IDO2: variants seen among roughly 807,000 people sequenced by gnomAD.
IDO2 encodes indoleamine 2,3-dioxygenase 2.
IDO2 carries 46 observed loss-of-function variants against 45.1 expected under a neutral mutation model. That is an observed-to-expected ratio of 1.02 (90% CI 0.80 to 1.30). The LOEUF is 1.30. IDO2 is among the 50% of genes most tolerant of loss of function. The probability of loss-of-function intolerance (pLI) is 0.00; values close to 1 mark genes in which losing one functional copy is unlikely to be tolerated. For synonymous variants in IDO2, 218 were observed against 184.9 expected (o/e 1.18, Z -1.45); for missense variants, 544 against 491.8 (o/e 1.11, Z -1.00).
At chr8:39,987,625 C>T in intron 6 of IDO2, 1 of 449,714 alleles carries the variant, frequency 2.2e-6, no homozygotes, top group Non-Finnish European at 4.0e-6. Flanking sequence ...GGTCCAGGAC[C>T]ATTAGGGCCA....
intron 8 of IDO2, chr8:39,995,280 T>TTCTTCTTCTTCTTCTTCTTCTTCC (rs1802023577): frequency 7.3e-6 from 1 of 137,164 alleles, no homozygotes; most frequent in Non-Finnish European, 1.5e-5. Context: ...CTTCTTCTTC[T>TTCTTCTTCTTCTTCTTCTTCTTCC]TCTTCTTCTT....
At chr8:39,992,965 C>A (rs16888495) in intron 8 of IDO2, among the ~76,000 whole-genome samples, 7 of 152,196 alleles carry the variant, frequency 4.6e-5, no homozygotes, top group Non-Finnish European at 7.4e-5. Flanking sequence ...TTTTGTAAAG[C>A]GCTCACTTCT....
chr8:40,004,689 G>A (rs79887769), intron 8 of IDO2, among the ~76,000 whole-genome samples: 3 of 45,434 alleles, frequency 6.6e-5, no homozygotes, highest in Non-Finnish European at 1.8e-4. Context: ...AACAACCTTC[G>A]AAAAGAAATT....
intron 8 of IDO2, among the ~76,000 whole-genome samples, chr8:40,000,528 C>T (rs1802119829): frequency 6.6e-6 from 1 of 152,150 alleles, no homozygotes; most frequent in South Asian, 2.1e-4. Flanking sequence ...TGCAATTTCC[C>T]TATTTCACTA....
chr8:39,979,115 C>T, exon 4 of IDO2: 1 of 1,602,382 alleles, frequency 6.2e-7, no homozygotes, highest in Non-Finnish European at 8.5e-7. Context: ...GGAGCAGCGC[C>T]TGGCCCACCT....
intron 9 of IDO2, among the ~76,000 whole-genome samples, chr8:40,012,063 G>A (rs2129595585): frequency 6.6e-6 from 1 of 152,200 alleles, no homozygotes; most frequent in Admixed American, 6.5e-5. Flanking sequence ...AAACAACCTG[G>A]CTCCTTACAG....
intron 1 of IDO2, 68 bp downstream of exon 1, chr8:39,935,286 G>A: frequency 2.3e-6 from 3 of 1,301,152 alleles, no homozygotes; most frequent in East Asian, 4.6e-5. Flanking sequence ...TGACAATTTG[G>A]GGCTAGCAAC....
chr8:39,946,499 C>T lies in IDO2; in HGVS notation c.-17-2650C>T, dbSNP rs953767611. ...GCACGCACCTGTAGTCCCAGCTACT[C>T]GGGAGGCTGAGGCAGGAGAATCACT... On this transcript the variant is annotated intron_variant, in intron 1 of 10. Coordinates refer to ENST00000502986, the Ensembl canonical transcript of IDO2. Among the ~76,000 whole-genome samples, 122 of 152,188 alleles carry T rather than the reference C, an allele frequency of 8.0e-4. 1 individual carries two copies. Among genetic ancestry groups the T allele is most frequent in the African/African-American group, 2.7e-3 (111 of 41,526 alleles).
At chr8:39,966,547 T>C (rs540946607) in intron 3 of IDO2, among the ~76,000 whole-genome samples, 1 of 152,322 alleles carries the variant, frequency 6.6e-6, no homozygotes, top group Admixed American at 6.5e-5. Context: ...CTCTGGATCC[T>C]TTACTTGCTA....
rs572852317 is a variant in IDO2 at position 39,987,116 on chromosome 8, C to T, written c.450-755C>T. 2.0e-5 allele frequency: 3 copies of T among 152,330 alleles called. No homozygotes were observed. In the East Asian group the frequency reaches 5.8e-4, roughly 29 times the overall value. The allele number at this position is 152,330 out of a possible 1,614,324, so 9.4% of individuals were successfully genotyped here. A position where few individuals can be genotyped will look rare whatever the true frequency, so the allele number is the denominator to read the frequency against. ...CTGCCTACCTCGCTCTCCCAAAGTG[C>T]TGGAATTACAGGCGTGAGCCACTGT... is the stretch of plus-strand genomic sequence containing the variant. On this transcript the variant is annotated intron_variant, in intron 6 of 10. Coordinates refer to ENST00000502986, the Ensembl canonical transcript of IDO2.
At chr8:39,963,632 C>T (rs762402693) in exon 3 of IDO2, 7 of 1,609,862 alleles carry the variant, frequency 4.3e-6, no homozygotes, top group Admixed American at 1.7e-5. Flanking sequence ...TCATTATAGG[C>T]CTTGGATGGA....
intron 9 of IDO2, among the ~76,000 whole-genome samples, chr8:40,010,283 A>G (rs1802292066): frequency 6.6e-6 from 1 of 152,052 alleles, no homozygotes; most frequent in Non-Finnish European, 1.5e-5. Context: ...AAGTGCAATA[A>G]CCCTGAGGTG....
chr8:39,939,171 A>G (rs1807602853), intron 1 of IDO2, among the ~76,000 whole-genome samples: 1 of 144,666 alleles, frequency 6.9e-6, no homozygotes, highest in Non-Finnish European at 1.5e-5. Flanking sequence ...TGAACCCAGG[A>G]GGTGGAGGTT....
intron 3 of IDO2, among the ~76,000 whole-genome samples, chr8:39,973,760 G>C (rs1341099145): frequency 8.2e-6 from 1 of 122,260 alleles, no homozygotes; most frequent in African/African-American, 3.2e-5. Context: ...TTTTTTTTCT[G>C]AGATGGAGTC....
intron 3 of IDO2, among the ~76,000 whole-genome samples, chr8:39,970,618 C>T (rs1466481034): frequency 6.6e-6 from 1 of 151,430 alleles, no homozygotes; most frequent in Non-Finnish European, 1.5e-5. Flanking sequence ...TCTTGAACTC[C>T]TGACCTCAGG....
chr8:39,972,586 G>A (rs549404323), intron 3 of IDO2, among the ~76,000 whole-genome samples: 10 of 111,096 alleles, frequency 9.0e-5, no homozygotes, highest in Non-Finnish European at 1.5e-4. Flanking sequence ...CTCCAGCCCG[G>A]GTAACAGAGC....
At chr8:39,946,412 A>G (rs1053786057) in intron 1 of IDO2, among the ~76,000 whole-genome samples, 1 of 152,012 alleles carries the variant, frequency 6.6e-6, no homozygotes, top group Non-Finnish European at 1.5e-5. Flanking sequence ...GATTGAGACC[A>G]TCTGGCTAAC....
chr8:40,011,466 C>T (rs1802310000), intron 9 of IDO2, among the ~76,000 whole-genome samples: 1 of 152,166 alleles, frequency 6.6e-6, no homozygotes, highest in Admixed American at 6.6e-5. Flanking sequence ...AAATGTTGTT[C>T]ATCAACTTTA....
intron 8 of IDO2, among the ~76,000 whole-genome samples, chr8:39,995,525 A>T (rs1419198588): frequency 6.6e-6 from 1 of 151,794 alleles, no homozygotes; most frequent in Non-Finnish European, 1.5e-5. Flanking sequence ...CAAGTGATCC[A>T]CCTGCCTCGG....
Sources: allele counts gnomAD v4.1 joint callset (sites outside exome capture counted in the v4.1 genomes callset), GRCh38; gene constraint gnomAD v4.1.1; transcripts MANE v1.5; gene names NCBI Gene and HGNC (gene_info 2026-07-23, HGNC 2026-07-21).